ZNG1A: variants seen among roughly 807,000 people sequenced by gnomAD.
The protein encoded by ZNG1A is zinc-regulated GTPase metalloprotein activator 1A.
the ZNG1A span, among the ~76,000 whole-genome samples, chr9:128,862 C>T: frequency 1.3e-4 from 19 of 150,884 alleles, no homozygotes; most frequent in Admixed American, 3.3e-4. Flanking sequence ...TTTCGTCCTA[C>T]GGGGTGTTCC....
chr9:157,635 A>G, the ZNG1A span, among the ~76,000 whole-genome samples: 7,775 of 149,926 alleles, frequency 0.052, 253 homozygotes, highest in African/African-American at 0.092. Flanking sequence ...TATATTTTAT[A>G]TACAATCACA....
the ZNG1A span, chr9:172,663 CTGTTA>C: frequency 1.9e-5 from 3 of 154,036 alleles, no homozygotes; most frequent in Non-Finnish European, 4.3e-5. Context: ...TCAAGAAAGT[CTGTTA>C]TAATTTTATC....
the ZNG1A span, among the ~76,000 whole-genome samples, chr9:142,773 T>C: frequency 7.7e-5 from 11 of 143,716 alleles, no homozygotes; most frequent in Admixed American, 3.5e-4. Context: ...TTTGAAAGGA[T>C]CAACAAAATT....
the ZNG1A span, chr9:161,804 TTCA>T: frequency 4.3e-6 from 2 of 467,494 alleles, no homozygotes; most frequent in East Asian, 1.4e-4. Context: ...TCTTTTACAC[TTCA>T]TCTTAGCCAA....
At chr9:169,047 C>G in the ZNG1A span, among the ~76,000 whole-genome samples, 1 of 152,006 alleles carries the variant, frequency 6.6e-6, no homozygotes, top group African/African-American at 2.4e-5. Flanking sequence ...AAATATATTT[C>G]ATAAGGCTAT....
the ZNG1A span, among the ~76,000 whole-genome samples, chr9:124,927 T>C: frequency 2.0e-5 from 3 of 152,060 alleles, no homozygotes; most frequent in African/African-American, 7.3e-5. Flanking sequence ...TGTATGCATA[T>C]ATATCACAGT....
chr9:142,187 C>T, the ZNG1A span, among the ~76,000 whole-genome samples: 1 of 148,222 alleles, frequency 6.7e-6, no homozygotes, highest in Admixed American at 6.7e-5. Flanking sequence ...CTGCACCAAG[C>T]AGACCTAATA....
chr9:157,499 C>T, the ZNG1A span, among the ~76,000 whole-genome samples: 2 of 129,006 alleles, frequency 1.6e-5, no homozygotes, highest in African/African-American at 6.1e-5. Flanking sequence ...TGAATTAAAT[C>T]CTTGAACCTA....
chr9:142,513 T>C, the ZNG1A span, among the ~76,000 whole-genome samples: 1 of 107,458 alleles, frequency 9.3e-6, no homozygotes, highest in African/African-American at 4.5e-5. Context: ...AGACACAACA[T>C]ACCAGAATCT....
At chr9:141,930 CAA>C in the ZNG1A span, among the ~76,000 whole-genome samples, 1 of 151,084 alleles carries the variant, frequency 6.6e-6, no homozygotes, top group Non-Finnish European at 1.5e-5. Context: ...CAACAAAGAT[CAA>C]AAGAGACAAA....
At chr9:172,163 G>A in the ZNG1A span, 2 of 1,610,972 alleles carry the variant, frequency 1.2e-6, no homozygotes, top group Admixed American at 1.7e-5. Flanking sequence ...TAGCTCTAAG[G>A]CCACTGTCCC....
chr9:163,860 T>C, the ZNG1A span: 1 of 1,104,578 alleles, frequency 9.1e-7, no homozygotes, highest in East Asian at 2.4e-5. Context: ...AAGGTTGCAG[T>C]GAGCCGAGAT....
At chr9:146,878 A>G in the ZNG1A span, 1 of 152,012 alleles carries the variant, frequency 6.6e-6, no homozygotes. Context: ...ATAAGCCCAG[A>G]AAACCACAGA....
chr9:143,503 G>T, the ZNG1A span, among the ~76,000 whole-genome samples: 2 of 114,294 alleles, frequency 1.7e-5, no homozygotes, highest in African/African-American at 7.9e-5. Context: ...AACCCTTCAT[G>T]CTAAAAACTC....
chr9:160,686 A>T, the ZNG1A span, among the ~76,000 whole-genome samples: 3 of 151,054 alleles, frequency 2.0e-5, no homozygotes, highest in African/African-American at 7.3e-5. Context: ...TCCTATAATC[A>T]TAAAATACAT....
chr9:133,204 G>A, the ZNG1A span, among the ~76,000 whole-genome samples: 1 of 139,004 alleles, frequency 7.2e-6, no homozygotes, highest in African/African-American at 2.8e-5. Context: ...TAAACCAAAT[G>A]AAATTGTTCA....
the ZNG1A span, among the ~76,000 whole-genome samples, chr9:135,319 G>C: frequency 7.0e-6 from 1 of 143,324 alleles, no homozygotes; most frequent in Non-Finnish European, 1.5e-5. Flanking sequence ...AAATATGTCA[G>C]TAAATTTCTT....
chr9:162,547 A>G, the ZNG1A span: 1 of 1,505,352 alleles, frequency 6.6e-7, no homozygotes, highest in Non-Finnish European at 9.0e-7. Flanking sequence ...TTCAAAATGA[A>G]AATTAAAACT....
At chr9:165,093 T>C in the ZNG1A span, among the ~76,000 whole-genome samples, 1,251 of 152,302 alleles carry the variant, frequency 8.2e-3, 15 homozygotes, top group African/African-American at 0.029. Context: ...ACCATGACAA[T>C]TATTTAACTT....
Sources: gnomAD v4.1 joint callset for allele counts (sites outside exome capture counted in the v4.1 genomes callset) on GRCh38, gnomAD v4.1.1 for gene constraint, MANE v1.5 for transcripts, NCBI Gene and HGNC (gene_info 2026-07-23, HGNC 2026-07-21) for gene names.